Variants in RAB3GAP2 observed in about 807,000 individuals in gnomAD.
The protein encoded by RAB3GAP2 is RAB3 GTPase activating non-catalytic protein subunit 2, also known as rab3 GTPase-activating protein non-catalytic subunit.
A neutral mutation model predicts 185.3 loss-of-function variants in RAB3GAP2; 87 were observed. The observed-to-expected ratio is 0.47, with a 90% CI of 0.39 to 0.56. The LOEUF (loss-of-function observed/expected upper bound fraction) is 0.56, where lower values mean the gene tolerates loss of function less well. RAB3GAP2 is among the 20% of genes least tolerant of loss of function. RAB3GAP2 has a pLI of 0.00. For missense variants in RAB3GAP2, 1,492 were observed against 1,638.2 expected (o/e 0.91, Z 1.54); for synonymous variants, 554 against 576.1 (o/e 0.96, Z 0.55).
chr1:220,229,809 C>T (rs1254911322), intron 2 of RAB3GAP2, among the ~76,000 whole-genome samples: 1 of 152,172 alleles, frequency 6.6e-6, no homozygotes, highest in Non-Finnish European at 1.5e-5. Flanking sequence ...ATTATAAATG[C>T]ATGTGTCCAC....
At chr1:220,199,958 G>A (rs1658811026) in intron 9 of RAB3GAP2, among the ~76,000 whole-genome samples, 1 of 152,138 alleles carries the variant, frequency 6.6e-6, no homozygotes, top group South Asian at 2.1e-4. Flanking sequence ...CAAACAGGGA[G>A]ATATGTTTAA....
Position 220,191,188 on chromosome 1 carries a change from T to C in RAB3GAP2, c.1367A>G (p.Gln456Arg), listed in dbSNP as rs756269445. ...KADFSPFGNS[Q>R]GPSRVAQFLV... ...GAATTGAGCTACTCGACTTGGACCCTGAGAATTTCCAAAGGGGGAAAAATC... is the reference window on the plus strand; with the variant it reads ...GAATTGAGCTACTCGACTTGGACCCCGAGAATTTCCAAAGGGGGAAAAATC... Residue 456 changes from glutamine to arginine, a missense_variant, in exon 14 of 35, where the codon CAG (glutamine) becomes CGG (arginine). Around this residue, in one of 5 missense-constraint regions of RAB3GAP2, gnomAD observed 681 missense variants for 689.1 expected, o/e 0.99. Transcript: ENST00000358951. 6 of 1,614,018 alleles carry C rather than the reference T, an allele frequency of 3.7e-6. No homozygotes were observed. In the Admixed American group the frequency reaches 8.3e-5, roughly 22 times the overall value.
chr1:220,164,149 A>G (rs1179200950), intron 27 of RAB3GAP2, among the ~76,000 whole-genome samples: 1 of 152,222 alleles, frequency 6.6e-6, no homozygotes, highest in Non-Finnish European at 1.5e-5. Flanking sequence ...CGCACAAGAT[A>G]GTTGCTACAG....
rs1186048359 is a variant in RAB3GAP2 at position 220,193,430 on chromosome 1, C to T, written c.1131-51G>A. The T allele has an allele frequency of 2.6e-6, 4 of 1,567,930 alleles. No homozygotes were observed. The African/African-American group carries it at 4.1e-5, about 16-fold the overall frequency. On this transcript the variant is annotated intron_variant, in intron 12 of 34. Transcript: ENST00000358951. Reference sequence around the variant, plus strand: ...CTCAAATCACATTCCAGTTCAGAAACATATAACAGAATAACGAAATGCATA... The same window carrying T: ...CTCAAATCACATTCCAGTTCAGAAATATATAACAGAATAACGAAATGCATA...
chr1:220,204,675 G>A lies in RAB3GAP2; in HGVS notation c.712+1232C>T, dbSNP rs576770239. On this transcript the variant is annotated intron_variant, in intron 8 of 34. Transcript: ENST00000358951. ...ATGTATACATGTGCCATATTGGTGC[G>A]CTGCACCCATTAACCTAATCATTTA... 1.8e-4 allele frequency among the ~76,000 whole-genome samples: 27 copies of A among 151,798 alleles called. No individual in the cohort carries two copies. The East Asian group carries it at 3.3e-3, about 19-fold the overall frequency.
At chr1:220,218,290 T>A (rs1436110856) in intron 2 of RAB3GAP2, among the ~76,000 whole-genome samples, 1 of 152,166 alleles carries the variant, frequency 6.6e-6, no homozygotes, top group African/African-American at 2.4e-5. Context: ...TAAAAATATA[T>A]CCTCCCAGTT....
chr1:220,268,059 A>G (rs562347300), intron 1 of RAB3GAP2: 18 of 412,236 alleles, frequency 4.4e-5, no homozygotes, highest in African/African-American at 3.6e-4. Flanking sequence ...AGCTAGGTTA[A>G]GAAATTACAA....
In RAB3GAP2 at chr1:220,149,837, T is replaced by C. The variant is rs1571869925; in HGVS notation, c.*1414A>G. The C allele has an allele frequency of 6.6e-6, 1 of 152,368 alleles. No individual in the cohort carries two copies. Among genetic ancestry groups the C allele is most frequent in the East Asian group, 1.9e-4 (1 of 5,188 alleles). The allele number at this position is 152,368 out of a possible 1,614,324, so 9.4% of individuals were successfully genotyped here. ...AAATTCTTGTTTGGATGTGCTCTTT[T>C]AGCTCAAAAAACAGATTTGTTTTTC... On this transcript the variant is annotated 3_prime_UTR_variant, in exon 35 of 35. Transcript: ENST00000358951.
In RAB3GAP2 at chr1:220,149,011, A is replaced by ATAAC. The variant is rs1657687957; in HGVS notation, c.*2236_*2239dup. On this transcript the variant is annotated 3_prime_UTR_variant, in exon 35 of 35. Transcript: ENST00000358951. ...ACTACTGGTTACTGGCTTCTCATCA[A>ATAAC]TAACTACAAAGTACCACATACCTTT... 1 of 152,202 alleles carries ATAAC rather than the reference A, an allele frequency of 6.6e-6. No individual in the cohort carries two copies. The allele number at this position is 152,202 out of a possible 1,614,324, so 9.4% of individuals were successfully genotyped here.
intron 17 of RAB3GAP2, among the ~76,000 whole-genome samples, chr1:220,188,638 A>G (rs1658549929): frequency 6.6e-6 from 1 of 152,254 alleles, no homozygotes; most frequent in Non-Finnish European, 1.5e-5. Flanking sequence ...ACAATTTGCC[A>G]TCAACTAGTA....
At chr1:220,170,446 A>G (rs1256013191) in intron 24 of RAB3GAP2, among the ~76,000 whole-genome samples, 1 of 143,492 alleles carries the variant, frequency 7.0e-6, no homozygotes, top group Non-Finnish European at 1.5e-5. Context: ...TTCCCAATGC[A>G]AAAAAAAAAA....
At chr1:220,266,708 G>A (rs1293083093) in intron 1 of RAB3GAP2, 1 of 1,571,744 alleles carries the variant, frequency 6.4e-7, no homozygotes, top group African/African-American at 1.4e-5. Flanking sequence ...CGATTCCTAA[G>A]AATACTTGCT....
intron 9 of RAB3GAP2, among the ~76,000 whole-genome samples, chr1:220,201,507 T>C (rs1242887534): frequency 6.6e-6 from 1 of 152,150 alleles, no homozygotes; most frequent in African/African-American, 2.4e-5. Flanking sequence ...TTGTTTTTGT[T>C]TTGCTTTCTT....
chr1:220,208,025 G>A (rs750345011), intron 7 of RAB3GAP2: 5 of 152,144 alleles, frequency 3.3e-5, no homozygotes, highest in South Asian at 2.1e-4. Context: ...ATAAATTGAC[G>A]TGTCAGATCC....
chr1:220,262,909 A>G (rs1660167037), intron 1 of RAB3GAP2, among the ~76,000 whole-genome samples: 3 of 151,556 alleles, frequency 2.0e-5, no homozygotes, highest in Admixed American at 1.3e-4. Flanking sequence ...GTACCATCTT[A>G]TCATCCCACC....
chr1:220,221,951 G>A (rs1307065812), intron 2 of RAB3GAP2, among the ~76,000 whole-genome samples: 4 of 152,260 alleles, frequency 2.6e-5, no homozygotes, highest in South Asian at 4.1e-4. Context: ...ACTTTAGTAC[G>A]ATAAGTCCAT....
intron 26 of RAB3GAP2, among the ~76,000 whole-genome samples, chr1:220,166,963 G>C (rs1249750213): frequency 6.6e-6 from 1 of 152,182 alleles, no homozygotes; most frequent in Non-Finnish European, 1.5e-5. Context: ...CTAGGGAGTA[G>C]AGCAAAGCAC....
chr1:220,213,739 G>GAA, intron 3 of RAB3GAP2, 117 bp downstream of exon 3: 1 of 993,486 alleles, frequency 1.0e-6, no homozygotes, highest in South Asian at 1.6e-5. Context: ...AGTTGGGGGG[G>GAA]GGGGGAGAGA....
intron 2 of RAB3GAP2, among the ~76,000 whole-genome samples, chr1:220,215,077 T>C (rs1659165605): frequency 1.3e-5 from 2 of 151,534 alleles, no homozygotes; most frequent in Admixed American, 1.3e-4. Context: ...AGTATTCCAT[T>C]TTATGGATGC....
Sources: gnomAD v4.1 joint callset for allele counts (sites outside exome capture counted in the v4.1 genomes callset) on GRCh38, gnomAD v4.1.1 for gene constraint, gnomAD v4.1.1 regional missense constraint, MANE v1.5 for transcripts, NCBI Gene and HGNC (gene_info 2026-07-23, HGNC 2026-07-21) for gene names.